Variants in SRGAP3 observed in about 807,000 individuals in gnomAD.
SRGAP3 encodes SLIT-ROBO Rho GTPase activating protein 3.
Under a neutral mutation model 121.1 loss-of-function variants are expected in SRGAP3, and 39 were observed. That is an observed-to-expected ratio of 0.32 (90% CI 0.25 to 0.42). The LOEUF (loss-of-function observed/expected upper bound fraction) is 0.42, where lower values mean the gene tolerates loss of function less well. SRGAP3 is among the 10% of genes least tolerant of loss of function. The pLI is 1.00. For synonymous variants in SRGAP3, 601 were observed against 570.0 expected (o/e 1.05, Z -0.77); for missense variants, 1,213 against 1,470.6 (o/e 0.82, Z 2.86).
intron 12 of SRGAP3, among the ~76,000 whole-genome samples, chr3:9,027,536 T>G (rs926433425): frequency 6.6e-6 from 1 of 152,210 alleles, no homozygotes; most frequent in African/African-American, 2.4e-5. Flanking sequence ...AACACCCAGA[T>G]GCATACTGCA....
At chr3:9,211,438 G>A (rs186137874) in intron 1 of SRGAP3, among the ~76,000 whole-genome samples, 47 of 152,284 alleles carry the variant, frequency 3.1e-4, no homozygotes, top group Non-Finnish European at 5.7e-4. Flanking sequence ...TTGAAGCTGG[G>A]GAGAAAGAGG....
intron 1 of SRGAP3, among the ~76,000 whole-genome samples, chr3:9,248,045 C>A (rs966443310): frequency 1.1e-4 from 16 of 152,244 alleles, no homozygotes; most frequent in Non-Finnish European, 1.8e-4. Flanking sequence ...GGAGCGGCTT[C>A]TGAAAGAAGT....
intron 3 of SRGAP3, among the ~76,000 whole-genome samples, chr3:9,096,896 A>G (rs903764073): frequency 1.4e-5 from 2 of 140,270 alleles, no homozygotes; most frequent in African/African-American, 2.6e-5. Context: ...ATTATTATAT[A>G]TTATATATAA....
chr3:9,245,492 G>T (rs189029741), intron 1 of SRGAP3, among the ~76,000 whole-genome samples: 25 of 152,250 alleles, frequency 1.6e-4, no homozygotes, highest in African/African-American at 6.0e-4. Context: ...CATTGTCAGG[G>T]GTTATATTCC....
At chr3:9,314,632 G>GCCTTCCCTCCTCTCCCCAC (rs1955312669) in intron 3 of SRGAP3, among the ~76,000 whole-genome samples, 6 of 146,480 alleles carry the variant, frequency 4.1e-5, no homozygotes, top group Admixed American at 2.1e-4. Context: ...TATGTGTCCA[G>GCCTTCCCTCCTCTCCCCAC]CCTGCCCTCC....
In SRGAP3 at chr3:9,094,791, G is replaced by A. The variant is rs377058852; in HGVS notation, c.423+9889C>T. On this transcript the variant is annotated intron_variant, in intron 3 of 21. Transcript: ENST00000383836. ...TTTTTTCTTAGGCAGGGTCTTGCTCGGTTGCCCAGGCTGGAGTGCAGTAGT... is the reference window on the plus strand; with the variant it reads ...TTTTTTCTTAGGCAGGGTCTTGCTCAGTTGCCCAGGCTGGAGTGCAGTAGT... 2.8e-3 allele frequency among the ~76,000 whole-genome samples: 430 copies of A among 151,884 alleles called. 1 individual carries two copies. The highest frequency in any genetic ancestry group is 9.7e-3 in the African/African-American group (401 of 41,420).
chr3:9,004,883 A>C (rs2124997073), intron 18 of SRGAP3, among the ~76,000 whole-genome samples: 1 of 152,372 alleles, frequency 6.6e-6, no homozygotes, highest in South Asian at 2.1e-4. Context: ...ATATAACACC[A>C]AAAGCATGCG....
At chr3:9,118,264 CCTCT>C (rs575583637) in intron 2 of SRGAP3, among the ~76,000 whole-genome samples, 1 of 151,958 alleles carries the variant, frequency 6.6e-6, no homozygotes, top group Non-Finnish European at 1.5e-5. Context: ...TCCTCCTCTT[CCTCT>C]CTCTCTCTCC....
chr3:9,300,921 C>A (rs1955043953), intron 3 of SRGAP3, among the ~76,000 whole-genome samples: 1 of 152,138 alleles, frequency 6.6e-6, no homozygotes, highest in Non-Finnish European at 1.5e-5. Flanking sequence ...TAATCACATG[C>A]TGGGGAGGGG....
intron 3 of SRGAP3, among the ~76,000 whole-genome samples, chr3:9,266,659 GT>G (rs201427250): frequency 7.7e-6 from 1 of 129,164 alleles, no homozygotes; most frequent in African/African-American, 2.6e-5. Flanking sequence ...TTTGGTTTTG[GT>G]TTTTGGGTTT....
intron 1 of SRGAP3, among the ~76,000 whole-genome samples, chr3:9,336,893 T>C (rs554081585): frequency 1.1e-4 from 16 of 152,074 alleles, no homozygotes; most frequent in Non-Finnish European, 2.1e-4. Flanking sequence ...CCAATTTCTC[T>C]CTCTCTCTTT....
intron 3 of SRGAP3, among the ~76,000 whole-genome samples, chr3:9,317,597 G>C (rs1955369522): frequency 6.6e-6 from 1 of 152,228 alleles, no homozygotes; most frequent in South Asian, 2.1e-4. Context: ...CAGTAAGTTG[G>C]CTATTTAAAT....
intron 9 of SRGAP3, 150 bp downstream of exon 9, chr3:9,052,877 G>A: frequency 1.1e-6 from 1 of 934,790 alleles, no homozygotes; most frequent in Non-Finnish European, 1.6e-6. Flanking sequence ...AACCAAGCCA[G>A]GCAACTTAAT....
intron 1 of SRGAP3, among the ~76,000 whole-genome samples, chr3:9,332,131 A>ATTATTG (rs922487588): frequency 6.6e-6 from 1 of 151,830 alleles, no homozygotes; most frequent in Non-Finnish European, 1.5e-5. Flanking sequence ...TATTATTATT[A>ATTATTG]TTATTTTGAG....
At chr3:9,257,343 A>AG (rs773918969) in intron 3 of SRGAP3, 1 of 151,900 alleles carries the variant, frequency 6.6e-6, no homozygotes, top group Admixed American at 6.6e-5. Context: ...CACCAAAGCG[A>AG]ACTCTCTCTC....
At chr3:9,054,697 T>C (rs1945735338) in intron 8 of SRGAP3, among the ~76,000 whole-genome samples, 1 of 152,260 alleles carries the variant, frequency 6.6e-6, no homozygotes, top group African/African-American at 2.4e-5. Context: ...AGTTTGACTC[T>C]CTTTGTCAAC....
chr3:9,080,311 G>T (rs1947179428), intron 3 of SRGAP3, among the ~76,000 whole-genome samples: 1 of 152,124 alleles, frequency 6.6e-6, no homozygotes, highest in Non-Finnish European at 1.5e-5. Context: ...CTGATCATAT[G>T]AGTTGGAGAA....
At chr3:9,032,944 C>A (rs929184633) in intron 11 of SRGAP3, among the ~76,000 whole-genome samples, 192 bp from the exon 12 acceptor site, 6 of 151,882 alleles carry the variant, frequency 4.0e-5, no homozygotes, top group African/African-American at 1.5e-4. Context: ...CTTAATTTAC[C>A]CACAATGCCA....
chr3:9,057,222 T>C (rs1320585725), intron 7 of SRGAP3, among the ~76,000 whole-genome samples: 3 of 152,090 alleles, frequency 2.0e-5, no homozygotes, highest in African/African-American at 7.2e-5. Context: ...GCCACCGCCT[T>C]CCACCTTTCA....
Sources: gnomAD v4.1 joint callset for allele counts (sites outside exome capture counted in the v4.1 genomes callset) on GRCh38, gnomAD v4.1.1 for gene constraint, MANE v1.5 for transcripts, NCBI Gene and HGNC (gene_info 2026-07-23, HGNC 2026-07-21) for gene names.